Variants in PYGO1 observed in about 807,000 individuals in gnomAD.
PYGO1 encodes pygopus family PHD finger 1.
PYGO1 carries 6 observed loss-of-function variants against 29.5 expected under a neutral mutation model. That is an observed-to-expected ratio of 0.20 (90% CI 0.11 to 0.40). PYGO1 has a LOEUF of 0.40. Among genes scored for constraint, PYGO1 ranks in the 10% least tolerant of loss-of-function variants. PYGO1 has a pLI of 1.00. For missense variants in PYGO1, 515 were observed against 514.9 expected (o/e 1.00, Z 0.00); for synonymous variants, 186 against 180.5 (o/e 1.03, Z -0.24).
Position 55,541,333 on chromosome 15 carries a change from G to A in PYGO1, c.*4690C>T, listed in dbSNP as rs2058827408. On this transcript the variant is annotated 3_prime_UTR_variant, in exon 3 of 3. Transcript: ENST00000563719. ...AATGCTCTACTGGATGGAACAATAA[G>A]CTACTAAAAATTAGAAATGAGAAGA... The A allele has an allele frequency of 6.6e-6, 1 of 152,080 alleles. No individual in the cohort carries two copies. Among genetic ancestry groups the A allele is most frequent in the African/African-American group, 2.4e-5 (1 of 41,408 alleles). 9.4% of individuals were successfully genotyped at this position (152,080 alleles called of 1,614,324 possible). A position where few individuals can be genotyped will look rare whatever the true frequency, so the allele number is the denominator to read the frequency against.
chr15:55,586,726 T>C (rs193229350), intron 1 of PYGO1, among the ~76,000 whole-genome samples: 32 of 152,344 alleles, frequency 2.1e-4, no homozygotes, highest in African/African-American at 7.7e-4. Flanking sequence ...TGAATTCATA[T>C]GGCCCTGGCT....
At chr15:55,555,128 C>T (rs1482140396) in intron 1 of PYGO1, among the ~76,000 whole-genome samples, 1 of 152,020 alleles carries the variant, frequency 6.6e-6, no homozygotes, top group Admixed American at 6.6e-5. Context: ...AGGTCGCCTA[C>T]AAAGGGAAAC....
chr15:55,546,357 T>C lies in PYGO1; in HGVS notation c.926A>G (p.Gln309Arg). The change falls in exon 3 of 3, where the codon CAA becomes CGA. Residue 309 changes from glutamine (Q) to arginine (R), a missense_variant. Coordinates refer to ENST00000563719, the MANE Select transcript of PYGO1 (RefSeq NM_001367806.1). Reference protein sequence around the residue: ...PANGTQNKPRQPRGAADACTT... With the variant: ...PANGTQNKPRRPRGAADACTT... ...GCAGGCATCTGCTGCACCTCTTGGT[T>C]GTCGTGGCTTATTCTGCGTCCCATT... 6.2e-7 allele frequency: 1 copy of C among 1,614,234 alleles called. No homozygotes were observed. The highest frequency in any genetic ancestry group is 8.5e-7 in the Non-Finnish European group (1 of 1,180,034).
At position 55,546,376 on chromosome 15, in the gene PYGO1, T is replaced by A. The variant is rs1047604341; in HGVS notation, c.907A>T (p.Thr303Ser). Residue 303 changes from threonine (T) to serine (S), a missense_variant, in exon 3 of 3, where the codon ACG becomes TCG. Physicochemically the swap from Thr to Ser is moderately conservative, Grantham distance 58 (BLOSUM62 1). Coordinates refer to ENST00000563719, the MANE Select transcript of PYGO1 (RefSeq NM_001367806.1). ...CTTGGTTGTCGTGGCTTATTCTGCGTCCCATTTGCAGGGTTATTGTTTGTG... is the reference window on the plus strand; with the variant it reads ...CTTGGTTGTCGTGGCTTATTCTGCGACCCATTTGCAGGGTTATTGTTTGTG... ...EATNNNPANG[T>S]QNKPRQPRGA... 10 of 1,614,112 alleles carry A rather than the reference T, an allele frequency of 6.2e-6. No homozygotes were observed. The Admixed American group carries it at 1.2e-4, about 19-fold the overall frequency.
chr15:55,577,641 A>G (rs1381382709), intron 1 of PYGO1, among the ~76,000 whole-genome samples: 1 of 152,068 alleles, frequency 6.6e-6, no homozygotes, highest in Non-Finnish European at 1.5e-5. Flanking sequence ...GGTGATTTTT[A>G]TTCACCTGGT....
At chr15:55,556,782 C>T (rs985363946) in intron 1 of PYGO1, among the ~76,000 whole-genome samples, 5 of 61,838 alleles carry the variant, frequency 8.1e-5, no homozygotes, top group African/African-American at 2.8e-4. Flanking sequence ...ATCAAATAGA[C>T]ACAATCAGAA....
chr15:55,587,043 A>T (rs547291879), intron 1 of PYGO1, among the ~76,000 whole-genome samples: 5 of 152,248 alleles, frequency 3.3e-5, no homozygotes, highest in African/African-American at 1.2e-4. Flanking sequence ...CTTAATGAAC[A>T]GTGAGTACTA....
chr15:55,565,639 C>T (rs1035476274), intron 1 of PYGO1, among the ~76,000 whole-genome samples: 5 of 151,942 alleles, frequency 3.3e-5, no homozygotes, highest in South Asian at 4.2e-4. Flanking sequence ...CGCTTGAACC[C>T]GGGAGGCGGT....
upstream of PYGO1, chr15:55,588,837 A>G (rs758681711): frequency 4.3e-6 from 7 of 1,613,920 alleles, no homozygotes; most frequent in African/African-American, 9.3e-5. Flanking sequence ...GGAGCTGGAG[A>G]GTTCTCGGCG....
Position 55,587,941 on chromosome 15 carries a change from T to TGCG in PYGO1, c.-61_-59dup, listed in dbSNP as rs2059056184. The TGCG allele has an allele frequency of 5.5e-6, 8 of 1,447,354 alleles. No individual in the cohort carries two copies. In the East Asian group the frequency reaches 1.5e-4, roughly 27 times the overall value. 89.7% of individuals were successfully genotyped at this position (1,447,354 alleles called of 1,614,324 possible). A position where few individuals can be genotyped will look rare whatever the true frequency, so the allele number is the denominator to read the frequency against. ...CGCGGGAATTCGGTCTCTTTGATGCTGCGGCGGCGGCTCCTCCTCCTCGCG... is the reference window on the plus strand; with the variant it reads ...CGCGGGAATTCGGTCTCTTTGATGCTGCGGCGGCGGCGGCTCCTCCTCCTCGCG... On this transcript the variant is annotated 5_prime_UTR_variant, in exon 1 of 3. Coordinates refer to ENST00000563719, the MANE Select transcript of PYGO1 (RefSeq NM_001367806.1).
chr15:55,554,468 CAAAAAAAAAAAAA>C (rs56216226), intron 1 of PYGO1, among the ~76,000 whole-genome samples: 98,287 of 123,870 alleles, frequency 0.79, 37,792 homozygotes, highest in Non-Finnish European at 0.84. Context: ...GACTCTGTCT[CAAAAAAAAAAAAA>C]AAAAAAAAAA....
rs1399788190 is a variant in PYGO1 at position 55,540,426 on chromosome 15, C to T, written c.*5597G>A. The T allele has an allele frequency of 1.3e-5, 2 of 152,006 alleles. No individual in the cohort carries two copies. The highest frequency in any genetic ancestry group is 1.9e-4 in the East Asian group (1 of 5,198). The allele number at this position is 152,006 out of a possible 1,614,324, so 9.4% of individuals were successfully genotyped here. On this transcript the variant is annotated 3_prime_UTR_variant, in exon 3 of 3. Coordinates refer to ENST00000563719, the MANE Select transcript of PYGO1 (RefSeq NM_001367806.1). ...ATGTGCTAAAAAATCCTAATATGCA[C>T]TGCCATTTAAGGTAATTATTTAGTA...
intron 1 of PYGO1, among the ~76,000 whole-genome samples, chr15:55,569,894 A>G (rs1377501808): frequency 1.3e-5 from 2 of 152,180 alleles, no homozygotes; most frequent in African/African-American, 4.8e-5. Context: ...CAGGTCACCA[A>G]GGAATTCCTG....
chr15:55,573,509 A>T (rs1199408044), intron 1 of PYGO1, among the ~76,000 whole-genome samples: 3 of 152,174 alleles, frequency 2.0e-5, no homozygotes, highest in African/African-American at 7.2e-5. Flanking sequence ...AAGGAAATGA[A>T]ATCAGTATCT....
intron 2 of PYGO1, among the ~76,000 whole-genome samples, chr15:55,548,013 A>G (rs1180695065): frequency 6.6e-6 from 1 of 152,158 alleles, no homozygotes; most frequent in Admixed American, 6.5e-5. Flanking sequence ...TTTAAGAACA[A>G]GCATTTTAAT....
At chr15:55,558,381 T>C (rs930327017) in intron 1 of PYGO1, among the ~76,000 whole-genome samples, 6 of 151,980 alleles carry the variant, frequency 3.9e-5, no homozygotes, top group Admixed American at 6.6e-5. Context: ...TCCATGCTCA[T>C]GGATAGGAAG....
Position 55,547,252 on chromosome 15 carries a change from T to C in PYGO1, c.136-105A>G, listed in dbSNP as rs2058856711. 24 of 996,278 alleles carry C rather than the reference T, an allele frequency of 2.4e-5. No individual in the cohort carries two copies. The South Asian group carries it at 5.0e-4, about 21-fold the overall frequency. 61.7% of individuals were successfully genotyped at this position (996,278 alleles called of 1,614,324 possible). ...GAACCTAGTATTAGTCAAATTTCTC[T>C]TGCAGTGTTAACAAACATTTATTAT... is the stretch of plus-strand genomic sequence containing the variant. On this transcript the variant is annotated intron_variant, in intron 2 of 2. Coordinates refer to ENST00000563719, the MANE Select transcript of PYGO1 (RefSeq NM_001367806.1).
rs2058843164 is a variant in PYGO1 at position 55,544,948 on chromosome 15, A to C, written c.*1075T>G. ...TCCCCAGTCAGAGCGGGAATTCCTT[A>C]AGTCTGCTGCAAGGCTTCAAATTGT... On this transcript the variant is annotated 3_prime_UTR_variant, in exon 3 of 3. Transcript: ENST00000563719. 6.6e-6 allele frequency: 1 copy of C among 152,094 alleles called. No individual in the cohort carries two copies. The highest frequency in any genetic ancestry group is 1.5e-5 in the Non-Finnish European group (1 of 68,038). 9.4% of individuals were successfully genotyped at this position (152,094 alleles called of 1,614,324 possible). A position where few individuals can be genotyped will look rare whatever the true frequency, so the allele number is the denominator to read the frequency against.
chr15:55,547,279 T>G, intron 2 of PYGO1, 132 bp from the exon 3 acceptor site: 1 of 647,510 alleles, frequency 1.5e-6, no homozygotes, highest in Non-Finnish European at 2.4e-6. Context: ...ATTTATTATC[T>G]TCACTTGACC....
Sources: allele counts gnomAD v4.1 joint callset (sites outside exome capture counted in the v4.1 genomes callset), GRCh38; gene constraint gnomAD v4.1.1; transcripts MANE v1.5; gene names NCBI Gene and HGNC (gene_info 2026-07-23, HGNC 2026-07-21).